Variants in RAPGEF2 observed in about 807,000 individuals in gnomAD.
RAPGEF2 encodes the protein Rap guanine nucleotide exchange factor 2.
RAPGEF2 carries 54 observed loss-of-function variants against 186.7 expected under a neutral mutation model. The ratio of observed to expected loss-of-function variants is 0.29; its 90% CI spans 0.23 to 0.36. RAPGEF2 has a LOEUF of 0.36. RAPGEF2 is among the 10% of genes least tolerant of loss of function. The pLI is 1.00. For missense variants in RAPGEF2, 1,532 were observed against 2,045.0 expected (o/e 0.75, Z 4.84); for synonymous variants, 712 against 705.9 (o/e 1.01, Z -0.14).
At chr4:159,275,520 G>A (rs1758749445) in intron 7 of RAPGEF2, among the ~76,000 whole-genome samples, 1 of 151,938 alleles carries the variant, frequency 6.6e-6, no homozygotes. Context: ...ATATGTATGT[G>A]TATGTGTAAA....
chr4:159,156,780 C>T (rs748739661), intron 1 of RAPGEF2, among the ~76,000 whole-genome samples: 1 of 151,960 alleles, frequency 6.6e-6, no homozygotes, highest in Non-Finnish European at 1.5e-5. Context: ...CAGTTGGTCT[C>T]GATATCTGCA....
Position 159,104,106 on chromosome 4 carries a change from G to A in RAPGEF2, c.-57G>A. The stretch of plus-strand genomic sequence containing the variant: ...CAGGGCGGAGGCAGCAGCGGCGCTG[G>A]GCCGGGAGGAGGCCGGCCAGGGTGC... On this transcript the variant is annotated 5_prime_UTR_variant, in exon 1 of 30. Coordinates refer to ENST00000691494, the MANE Select transcript of RAPGEF2 (RefSeq NM_001394067.2). 8.0e-7 allele frequency: 1 copy of A among 1,254,036 alleles called. No homozygotes were observed. Among genetic ancestry groups the A allele is most frequent in the East Asian group, 3.4e-5 (1 of 29,164 alleles). The allele number at this position is 1,254,036 out of a possible 1,614,324, so 77.7% of individuals were successfully genotyped here.
At chr4:159,233,777 A>T (rs1259247667) in intron 4 of RAPGEF2, among the ~76,000 whole-genome samples, 2 of 152,136 alleles carry the variant, frequency 1.3e-5, no homozygotes, top group East Asian at 1.9e-4. Context: ...AAAAAATTTA[A>T]AAATATATAT....
At chr4:159,131,914 G>A (rs1253196764) in intron 1 of RAPGEF2, among the ~76,000 whole-genome samples, 1 of 152,176 alleles carries the variant, frequency 6.6e-6, no homozygotes, top group Non-Finnish European at 1.5e-5. Context: ...GAGGAAATGT[G>A]TGGGAAGTTA....
chr4:159,176,374 G>A (rs1746453733), intron 1 of RAPGEF2, among the ~76,000 whole-genome samples: 1 of 152,126 alleles, frequency 6.6e-6, no homozygotes, highest in Non-Finnish European at 1.5e-5. Context: ...CGTGGGTAAA[G>A]TTATTAGTCC....
chr4:159,313,821 C>T (rs1764234520), intron 8 of RAPGEF2, among the ~76,000 whole-genome samples: 1 of 152,094 alleles, frequency 6.6e-6, no homozygotes, highest in Non-Finnish European at 1.5e-5. Context: ...TATATACATA[C>T]ATATTGCTGA....
At position 159,338,248 on chromosome 4, in the gene RAPGEF2, A is replaced by G. The variant is rs1031520798; in HGVS notation, c.2136-63A>G. ...ATATGGTTTTTGGTCTGTGTTTATT[A>G]TATAGTGATGATGTACAACTTTTTA... is the stretch of plus-strand genomic sequence containing the variant. On this transcript the variant is annotated intron_variant, in intron 17 of 29. Transcript: ENST00000691494. 15 of 1,453,638 alleles carry G rather than the reference A, an allele frequency of 1.0e-5. No homozygotes were observed. The African/African-American group carries it at 1.8e-4, about 18-fold the overall frequency. The allele number at this position is 1,453,638 out of a possible 1,614,324, so 90.0% of individuals were successfully genotyped here.
intron 28 of RAPGEF2, among the ~76,000 whole-genome samples, chr4:159,354,378 A>C (rs1205331015): frequency 6.6e-6 from 1 of 152,204 alleles, no homozygotes; most frequent in Non-Finnish European, 1.5e-5. Flanking sequence ...TTATTCATAG[A>C]GGAGAAATTT....
chr4:159,220,674 T>C (rs1751448457), intron 4 of RAPGEF2, among the ~76,000 whole-genome samples: 2 of 152,202 alleles, frequency 1.3e-5, no homozygotes, highest in South Asian at 4.1e-4. Context: ...ACTCTGTGAA[T>C]TTCTTTGGGA....
intron 3 of RAPGEF2, among the ~76,000 whole-genome samples, chr4:159,205,716 G>C (rs1314946613): frequency 6.6e-6 from 1 of 152,124 alleles, no homozygotes; most frequent in Non-Finnish European, 1.5e-5. Flanking sequence ...GGTAAAACAT[G>C]CTTGCTTCCC....
At chr4:159,266,235 A>C (rs1035959643) in intron 7 of RAPGEF2, among the ~76,000 whole-genome samples, 2 of 152,080 alleles carry the variant, frequency 1.3e-5, no homozygotes, top group Admixed American at 1.3e-4. Context: ...TGTGGTGGGA[A>C]TGGTTGCCTT....
At chr4:159,183,484 C>T (rs151294773) in intron 1 of RAPGEF2, among the ~76,000 whole-genome samples, 1,701 of 152,260 alleles carry the variant, frequency 0.011, 11 homozygotes, top group Non-Finnish European at 0.017. Context: ...AGTAGTAAAT[C>T]ATTGGGATCT....
intron 4 of RAPGEF2, among the ~76,000 whole-genome samples, chr4:159,226,314 T>G (rs551349789): frequency 1.3e-5 from 2 of 152,322 alleles, no homozygotes; most frequent in Non-Finnish European, 2.9e-5. Flanking sequence ...CTATAAAATA[T>G]TTGTTTAGAT....
At chr4:159,275,868 A>AG (rs1378796526) in intron 7 of RAPGEF2, among the ~76,000 whole-genome samples, 8 of 152,114 alleles carry the variant, frequency 5.3e-5, no homozygotes, top group Non-Finnish European at 1.2e-4. Context: ...GGAAAAAAAA[A>AG]CGGGTAACCC....
intron 1 of RAPGEF2, among the ~76,000 whole-genome samples, chr4:159,162,734 A>G (rs886222472): frequency 4.6e-5 from 7 of 152,186 alleles, no homozygotes; most frequent in African/African-American, 1.7e-4. Context: ...TCAGGTTATA[A>G]GTAACTTGTC....
intron 1 of RAPGEF2, among the ~76,000 whole-genome samples, chr4:159,152,119 C>G (rs770870176): frequency 1.4e-4 from 22 of 152,228 alleles, no homozygotes; most frequent in Non-Finnish European, 2.8e-4. Context: ...CTCAGGAGTT[C>G]GAGACCAGCC....
At chr4:159,228,022 CGACTTACAAGA>C (rs529353656) in intron 4 of RAPGEF2, among the ~76,000 whole-genome samples, 160 of 152,160 alleles carry the variant, frequency 1.1e-3, no homozygotes, top group African/African-American at 3.5e-3. Context: ...TACTTGCCCT[CGACTTACAAGA>C]GAGTAGATAA....
chr4:159,299,088 A>G (rs572175742), intron 7 of RAPGEF2, among the ~76,000 whole-genome samples: 3 of 152,224 alleles, frequency 2.0e-5, no homozygotes, highest in East Asian at 3.8e-4. Context: ...AACCCTGACA[A>G]TGATATGGGG....
rs113450332 is a variant in RAPGEF2 at position 159,239,119 on chromosome 4, T to G, written c.357+235T>G. On this transcript the variant is annotated intron_variant, in intron 5 of 29. Transcript: ENST00000691494. ...AAAAAATTTAAAAAGTACAAGTAGC[T>G]AAGTGTTTGGTTTTTGTACTTTGTA... Among the ~76,000 whole-genome samples, 518 of 152,298 alleles carry G rather than the reference T, an allele frequency of 3.4e-3. 2 individuals carry two copies. Among genetic ancestry groups the G allele is most frequent in the African/African-American group, 0.011 (468 of 41,568 alleles).
Sources: gnomAD v4.1 joint callset for allele counts (sites outside exome capture counted in the v4.1 genomes callset) on GRCh38, gnomAD v4.1.1 for gene constraint, MANE v1.5 for transcripts, NCBI Gene and HGNC (gene_info 2026-07-23, HGNC 2026-07-21) for gene names.